The following TNFAIP8 variants were observed in gnomAD, a reference collection of about 807,000 sequenced individuals.
TNFAIP8 encodes TNF alpha induced protein 8.
A neutral mutation model predicts 13.3 loss-of-function variants in TNFAIP8; 7 were observed. That is an observed-to-expected ratio of 0.52 (90% CI 0.30 to 0.99). The LOEUF is 0.99. Ranked by LOEUF, TNFAIP8 falls within the 50% of genes least tolerant of loss-of-function variation. The probability of loss-of-function intolerance (pLI) is 0.07; values close to 1 mark genes in which losing one functional copy is unlikely to be tolerated. For missense variants in TNFAIP8, 258 were observed against 236.9 expected (o/e 1.09, Z -0.58); for synonymous variants, 94 against 87.6 (o/e 1.07, Z -0.41).
intron 1 of TNFAIP8, among the ~76,000 whole-genome samples, chr5:119,289,051 T>C (rs1705623242): frequency 6.6e-6 from 1 of 152,228 alleles, no homozygotes; most frequent in African/African-American, 2.4e-5. Flanking sequence ...CTTAATTATT[T>C]TGCTATTTCT....
Position 119,375,455 on chromosome 5 carries a change from CATTG to C in TNFAIP8, c.32-17356_32-17353del, listed in dbSNP as rs779401896. ...TATTTTATTTTGCAACTACTTATAACATTGATTGGTTGTGTTATGTTACTTGCCA... is the reference window on the plus strand; with the variant it reads ...TATTTTATTTTGCAACTACTTATAACATTGGTTGTGTTATGTTACTTGCCA... On this transcript the variant is annotated intron_variant, in intron 1 of 1. Transcript: ENST00000504771. Among the ~76,000 whole-genome samples, 29 of 152,286 alleles carry C rather than the reference CATTG, an allele frequency of 1.9e-4. No individual in the cohort carries two copies. In the East Asian group the frequency reaches 4.8e-3, roughly 25 times the overall value.
At chr5:119,320,982 C>T (rs941277311) in intron 1 of TNFAIP8, among the ~76,000 whole-genome samples, 9 of 152,284 alleles carry the variant, frequency 5.9e-5, no homozygotes, top group South Asian at 2.1e-4. Flanking sequence ...TCCGGGAGGC[C>T]GAGGTGGGCG....
At chr5:119,284,979 T>C (rs1478853298) in intron 1 of TNFAIP8, among the ~76,000 whole-genome samples, 1 of 152,252 alleles carries the variant, frequency 6.6e-6, no homozygotes, top group Non-Finnish European at 1.5e-5. Flanking sequence ...AATTTCTTAC[T>C]ATCTGTGCCA....
chr5:119,345,552 C>T (rs561671171), intron 1 of TNFAIP8, among the ~76,000 whole-genome samples: 34 of 152,318 alleles, frequency 2.2e-4, no homozygotes, highest in Non-Finnish European at 4.3e-4. Flanking sequence ...GAAAGTCTGA[C>T]CTGCTACCAT....
chr5:119,283,316 A>G (rs1748689403), intron 1 of TNFAIP8, among the ~76,000 whole-genome samples: 2 of 152,176 alleles, frequency 1.3e-5, no homozygotes, highest in African/African-American at 4.8e-5. Context: ...CATTCATTCT[A>G]CAAAAACAAT....
At chr5:119,387,370 C>G (rs1048632099) in intron 1 of TNFAIP8, among the ~76,000 whole-genome samples, 1 of 152,146 alleles carries the variant, frequency 6.6e-6, no homozygotes, top group Non-Finnish European at 1.5e-5. Context: ...TCTATCCTTC[C>G]TAATATTGGA....
At position 119,397,172 on chromosome 5, in the gene TNFAIP8, G is replaced by T. The variant is rs1044730657; in HGVS notation, c.*3791G>T. 6.6e-6 allele frequency: 1 copy of T among 151,060 alleles called. No individual in the cohort carries two copies. Among genetic ancestry groups the T allele is most frequent in the Non-Finnish European group, 1.5e-5 (1 of 67,896 alleles). The allele number at this position is 151,060 out of a possible 1,614,324, so 9.4% of individuals were successfully genotyped here. A position where few individuals can be genotyped will look rare whatever the true frequency, so the allele number is the denominator to read the frequency against. On this transcript the variant is annotated 3_prime_UTR_variant, in exon 2 of 2. Coordinates refer to ENST00000504771, the MANE Select transcript of TNFAIP8 (RefSeq NM_014350.4). ...ACACACAATTTTTAAGCCCCCAAAG[G>T]CTTAAAATAGTACTTTTTGTGGTCT...
At chr5:119,357,172 G>A (rs574317059) in intron 1 of TNFAIP8, among the ~76,000 whole-genome samples, 44 of 152,232 alleles carry the variant, frequency 2.9e-4, no homozygotes, top group African/African-American at 9.9e-4. Context: ...AGTCTTTGTG[G>A]GCTCACGTTT....
intron 1 of TNFAIP8, among the ~76,000 whole-genome samples, chr5:119,388,101 G>T (rs1330919012): frequency 6.6e-6 from 1 of 152,146 alleles, no homozygotes; most frequent in African/African-American, 2.4e-5. Flanking sequence ...GTAGAGGTGG[G>T]CCTGTGTTTA....
intron 1 of TNFAIP8, among the ~76,000 whole-genome samples, chr5:119,334,624 C>CGT (rs59714206): frequency 0.078 from 10,534 of 135,634 alleles, 403 homozygotes; most frequent in Middle Eastern, 0.1. Flanking sequence ...GTGATCCTTT[C>CGT]GTGTGTGTGT....
chr5:119,292,714 G>A (rs1403334189), intron 1 of TNFAIP8, among the ~76,000 whole-genome samples: 1 of 85,872 alleles, frequency 1.2e-5, no homozygotes, highest in Non-Finnish European at 2.4e-5. Context: ...ATACTATTTA[G>A]CAATAAAAAA....
chr5:119,377,624 C>T (rs541846849), intron 1 of TNFAIP8, among the ~76,000 whole-genome samples: 1 of 152,238 alleles, frequency 6.6e-6, no homozygotes, highest in East Asian at 1.9e-4. Flanking sequence ...TTTTGGTACT[C>T]AAATGTAGCT....
intron 1 of TNFAIP8, among the ~76,000 whole-genome samples, chr5:119,310,584 C>G (rs1052253087): frequency 2.0e-5 from 3 of 152,142 alleles, no homozygotes. Flanking sequence ...CCTGTAATCC[C>G]AGCACTTTGG....
At chr5:119,390,786 A>G (rs1752862577) in intron 1 of TNFAIP8, among the ~76,000 whole-genome samples, 1 of 152,068 alleles carries the variant, frequency 6.6e-6, no homozygotes, top group Admixed American at 6.6e-5. Flanking sequence ...CAAATTTCAA[A>G]TCTAATTTGG....
At chr5:119,276,488 G>C (rs1039521762) in intron 1 of TNFAIP8, among the ~76,000 whole-genome samples, 2 of 152,048 alleles carry the variant, frequency 1.3e-5, no homozygotes, top group Non-Finnish European at 2.9e-5. Context: ...TAGTTTTTAA[G>C]GGCTGCCATA....
intron 1 of TNFAIP8, among the ~76,000 whole-genome samples, chr5:119,326,130 A>C (rs574749598): frequency 6.6e-6 from 1 of 152,286 alleles, no homozygotes; most frequent in South Asian, 2.1e-4. Flanking sequence ...AGTAGGTACT[A>C]GGTAAATGCA....
At chr5:119,377,318 A>G (rs1752320797) in intron 1 of TNFAIP8, among the ~76,000 whole-genome samples, 1 of 152,072 alleles carries the variant, frequency 6.6e-6, no homozygotes, top group Non-Finnish European at 1.5e-5. Flanking sequence ...TGAAAGGATC[A>G]CTTGAGCTTA....
At chr5:119,301,995 G>T (rs1279168388) in intron 1 of TNFAIP8, among the ~76,000 whole-genome samples, 1 of 152,216 alleles carries the variant, frequency 6.6e-6, no homozygotes, top group African/African-American at 2.4e-5. Context: ...AGGAATGAAG[G>T]TACCACTTTG....
rs1753056699 is a variant in TNFAIP8, at chr5:119,395,685, G to A, written c.*2304G>A. On this transcript the variant is annotated 3_prime_UTR_variant, in exon 2 of 2. Coordinates refer to ENST00000504771, the MANE Select transcript of TNFAIP8 (RefSeq NM_014350.4). ...TCCTTACCAGTGCTGTGCCTGAAAA[G>A]CATGTCTTGGATCAGGTCCAAAGTC... 1 of 152,148 alleles carries A rather than the reference G, an allele frequency of 6.6e-6. No individual in the cohort carries two copies. The allele number at this position is 152,148 out of a possible 1,614,324, so 9.4% of individuals were successfully genotyped here. A position where few individuals can be genotyped will look rare whatever the true frequency, so the allele number is the denominator to read the frequency against.
Sources: gnomAD v4.1 joint callset for allele counts (sites outside exome capture counted in the v4.1 genomes callset) on GRCh38, gnomAD v4.1.1 for gene constraint, MANE v1.5 for transcripts, NCBI Gene and HGNC (gene_info 2026-07-23, HGNC 2026-07-21) for gene names.